The following CDK6 variants were observed in gnomAD, a reference collection of about 807,000 sequenced individuals.
CDK6 encodes cyclin dependent kinase 6.
In CDK6, 6 loss-of-function variants were observed where a neutral mutation model predicts 37.1. That is an observed-to-expected ratio of 0.16 (90% confidence interval 0.09 to 0.32). The LOEUF (loss-of-function observed/expected upper bound fraction) is 0.32. Ranked by LOEUF, CDK6 falls within the 10% of genes least tolerant of loss-of-function variation. The pLI is 1.00. For synonymous variants in CDK6, 160 were observed against 161.3 expected (o/e 0.99, Z 0.06); for missense variants, 224 against 418.9 (o/e 0.53, Z 4.06).
chr7:92,692,975 T>C (rs944358212), intron 4 of CDK6, among the ~76,000 whole-genome samples: 4 of 152,224 alleles, frequency 2.6e-5, no homozygotes, highest in African/African-American at 4.8e-5. Flanking sequence ...CTCACTTTCA[T>C]CTCTGGTACA....
chr7:92,763,535 A>G (rs1799508155), intron 3 of CDK6, among the ~76,000 whole-genome samples: 1 of 152,232 alleles, frequency 6.6e-6, no homozygotes, highest in Non-Finnish European at 1.5e-5. Flanking sequence ...TCCTATTCCT[A>G]AGCATCTCTT....
intron 5 of CDK6, among the ~76,000 whole-genome samples, chr7:92,663,564 G>A (rs1197664538): frequency 6.6e-6 from 1 of 151,988 alleles, no homozygotes; most frequent in Non-Finnish European, 1.5e-5. Flanking sequence ...AGCTGGGCGT[G>A]GCGGCATGTG....
chr7:92,811,106 T>C lies in CDK6; in HGVS notation c.233+21985A>G, dbSNP rs538379915. Among the ~76,000 whole-genome samples, 13 of 152,202 alleles carry C rather than the reference T, an allele frequency of 8.5e-5. No homozygotes were observed. The South Asian group carries it at 1.2e-3, about 15-fold the overall frequency. Reference sequence around the variant, plus strand: ...GGAGAAATATCAAAATAATACTTTATTGAGAGAAAGAAAATTTGAAGTAAC... The same window carrying C: ...GGAGAAATATCAAAATAATACTTTACTGAGAGAAAGAAAATTTGAAGTAAC... On this transcript the variant is annotated intron_variant, in intron 2 of 7. Transcript: ENST00000424848.
intron 5 of CDK6, among the ~76,000 whole-genome samples, chr7:92,647,685 T>C (rs568607182): frequency 6.6e-6 from 1 of 152,380 alleles, no homozygotes; most frequent in African/African-American, 2.4e-5. Flanking sequence ...CTGTGGAGTT[T>C]AAGTTCTATA....
At position 92,605,312 on chromosome 7, in the gene CDK6, G is replaced by C. The variant is rs149310804; in HGVS notation, c.*9828C>G. ...TGCAACCCTCTGAATTTTCTGACAT[G>C]TTACCTTTGCCACTGCAACAGAAAC... On this transcript the variant is annotated 3_prime_UTR_variant, in exon 8 of 8. Coordinates refer to ENST00000424848, the MANE Select transcript of CDK6 (RefSeq NM_001145306.2). 2.7e-3 allele frequency: 637 copies of C among 233,424 alleles called. 1 individual carries two copies. Among genetic ancestry groups the C allele is most frequent in the Middle Eastern group, 3.8e-3 (3 of 784 alleles). The allele number at this position is 233,424 out of a possible 1,614,324, so 14.5% of individuals were successfully genotyped here.
At chr7:92,739,145 T>C (rs1020170973) in intron 3 of CDK6, among the ~76,000 whole-genome samples, 2 of 152,192 alleles carry the variant, frequency 1.3e-5, no homozygotes, top group African/African-American at 4.8e-5. Context: ...ACCAAAAACA[T>C]TCACCATTTG....
chr7:92,684,009 T>C (rs373213467), intron 4 of CDK6, among the ~76,000 whole-genome samples: 23 of 152,304 alleles, frequency 1.5e-4, no homozygotes, highest in African/African-American at 5.1e-4. Context: ...TGTAAATAAG[T>C]AGGGGGCTAC....
Position 92,614,242 on chromosome 7 carries a change from G to C in CDK6, c.*898C>G. On this transcript the variant is annotated 3_prime_UTR_variant, in exon 8 of 8. Coordinates refer to ENST00000424848, the MANE Select transcript of CDK6 (RefSeq NM_001145306.2). ...AGGGAAGAAAGGAATTTCAAACCAG[G>C]AAATAAAGGCTTTCTATTCTTTTTT... is the stretch of plus-strand genomic sequence containing the variant. 1 of 232,942 alleles carries C rather than the reference G, an allele frequency of 4.3e-6. No individual in the cohort carries two copies. The highest frequency in any genetic ancestry group is 8.5e-6 in the Non-Finnish European group (1 of 117,926). 14.4% of individuals were successfully genotyped at this position (232,942 alleles called of 1,614,324 possible).
intron 5 of CDK6, among the ~76,000 whole-genome samples, chr7:92,623,866 G>T (rs936778215): frequency 1.3e-5 from 2 of 151,994 alleles, no homozygotes; most frequent in Non-Finnish European, 2.9e-5. Context: ...ATTTCATTTT[G>T]CATACACCTA....
At chr7:92,792,870 G>C (rs1322909408) in intron 2 of CDK6, among the ~76,000 whole-genome samples, 1 of 151,884 alleles carries the variant, frequency 6.6e-6, no homozygotes, top group African/African-American at 2.4e-5. Context: ...GAAGTTATCA[G>C]CCTCCAGATG....
Position 92,610,589 on chromosome 7 carries a change from G to A in CDK6, c.*4551C>T. The A allele has an allele frequency of 4.4e-6, 1 of 227,856 alleles. No homozygotes were observed. Among genetic ancestry groups the A allele is most frequent in the South Asian group, 1.8e-4 (1 of 5,484 alleles). 14.1% of individuals were successfully genotyped at this position (227,856 alleles called of 1,614,324 possible). On this transcript the variant is annotated 3_prime_UTR_variant, in exon 8 of 8. Coordinates refer to ENST00000424848, the MANE Select transcript of CDK6 (RefSeq NM_001145306.2). ...TGAGATATAGGGATGTATTAAAATT[G>A]GGTTGTGAATTGCATTGATATAGAA...
rs887297809 is a variant in CDK6 at position 92,607,534 on chromosome 7, C to A, written c.*7606G>T. 6 of 232,456 alleles carry A rather than the reference C, an allele frequency of 2.6e-5. No individual in the cohort carries two copies. Among genetic ancestry groups the A allele is most frequent in the Admixed American group, 5.6e-5 (1 of 17,752 alleles). The allele number at this position is 232,456 out of a possible 1,614,324, so 14.4% of individuals were successfully genotyped here. ...CTAATCATGTTACAAATGCATGCAG[C>A]TTATTTGGGGGCTTAGTCTAATTTT... On this transcript the variant is annotated 3_prime_UTR_variant, in exon 8 of 8. Coordinates refer to ENST00000424848, the MANE Select transcript of CDK6 (RefSeq NM_001145306.2).
At chr7:92,691,054 G>C (rs1797589401) in intron 4 of CDK6, among the ~76,000 whole-genome samples, 1 of 152,176 alleles carries the variant, frequency 6.6e-6, no homozygotes, top group South Asian at 2.1e-4. Flanking sequence ...GATAAAAGTA[G>C]AGTGCAGAAC....
chr7:92,621,659 G>A (rs1270790910), intron 6 of CDK6, among the ~76,000 whole-genome samples: 1 of 152,134 alleles, frequency 6.6e-6, no homozygotes, highest in East Asian at 1.9e-4. Context: ...AACAGTCATG[G>A]GGAAAAATAG....
chr7:92,780,747 G>A (rs1347381728), intron 2 of CDK6, among the ~76,000 whole-genome samples: 3 of 137,774 alleles, frequency 2.2e-5, no homozygotes, highest in Admixed American at 1.5e-4. Context: ...CCTGGGCAAT[G>A]AGCGAGACTC....
chr7:92,752,374 G>C (rs576783505), intron 3 of CDK6, among the ~76,000 whole-genome samples: 1 of 152,306 alleles, frequency 6.6e-6, no homozygotes, highest in East Asian at 1.9e-4. Flanking sequence ...TACTAGGCTT[G>C]TGTCTACATG....
chr7:92,685,360 C>T (rs916827035), intron 4 of CDK6, among the ~76,000 whole-genome samples: 7 of 152,056 alleles, frequency 4.6e-5, no homozygotes, highest in African/African-American at 9.7e-5. Flanking sequence ...ATGCTGCATG[C>T]GTGTTGGGGG....
chr7:92,701,166 C>T (rs3802079), intron 4 of CDK6, among the ~76,000 whole-genome samples: 9,600 of 152,126 alleles, frequency 0.063, 602 homozygotes, highest in East Asian at 0.33. Context: ...AACCAGGATC[C>T]GGAGAGGATC....
intron 5 of CDK6, among the ~76,000 whole-genome samples, chr7:92,648,192 G>A (rs532309889): frequency 6.6e-6 from 1 of 152,242 alleles, no homozygotes; most frequent in South Asian, 2.1e-4. Context: ...TGGTGCAAAT[G>A]CTGATACTGT....
Sources: allele counts gnomAD v4.1 joint callset (sites outside exome capture counted in the v4.1 genomes callset), GRCh38; gene constraint gnomAD v4.1.1; transcripts MANE v1.5; gene names NCBI Gene and HGNC (gene_info 2026-07-23, HGNC 2026-07-21).